NEDD4L: variants seen among roughly 807,000 people sequenced by gnomAD.
The protein encoded by NEDD4L is E3 ubiquitin-protein ligase NEDD4-like.
A neutral mutation model predicts 148.9 loss-of-function variants in NEDD4L; 54 were observed. The ratio of observed to expected loss-of-function variants is 0.36; its 90% CI spans 0.29 to 0.45. The LOEUF is 0.45. Among genes scored for constraint, NEDD4L ranks in the 20% least tolerant of loss-of-function variants. The pLI is 1.00. For synonymous variants in NEDD4L, 433 were observed against 440.7 expected, an observed-to-expected ratio of 0.98 and a Z score of 0.22; for missense variants, 856 against 1,233.8, an observed-to-expected ratio of 0.69 and a Z score of 4.59.
chr18:58,296,911 G>C (rs1418014869), intron 5 of NEDD4L, among the ~76,000 whole-genome samples: 2 of 151,984 alleles, frequency 1.3e-5, no homozygotes, highest in Non-Finnish European at 2.9e-5. Context: ...AATAGGGCAA[G>C]ACTCTGTCTC....
At position 58,091,380 on chromosome 18, in the gene NEDD4L, A is replaced by G. The variant is rs557468424; in HGVS notation, c.48+46672A>G. On this transcript the variant is annotated intron_variant, in intron 1 of 30. Coordinates refer to ENST00000400345, the MANE Select transcript of NEDD4L (RefSeq NM_001144967.3). ...TATGCACTTCTTTGTCCTTGAGCAA[A>G]TGATTGAACCTTCTTGGACTCTCAG... 7 of 152,372 alleles carry G rather than the reference A, an allele frequency of 4.6e-5. 1 individual carries two copies. The highest frequency in any genetic ancestry group is 7.3e-5 in the Non-Finnish European group (5 of 68,072). 9.4% of individuals were successfully genotyped at this position (152,372 alleles called of 1,614,324 possible).
intron 2 of NEDD4L, among the ~76,000 whole-genome samples, chr18:58,224,029 C>T (rs890391682): frequency 6.6e-5 from 10 of 152,292 alleles, no homozygotes; most frequent in East Asian, 1.9e-4. Flanking sequence ...AGGACTTGGG[C>T]GCTTCCTGCC....
intron 1 of NEDD4L, among the ~76,000 whole-genome samples, chr18:58,154,076 A>T (rs1335280449): frequency 6.6e-6 from 1 of 152,272 alleles, no homozygotes; most frequent in African/African-American, 2.4e-5. Context: ...AGGTTGATCG[A>T]TAAAAAATGA....
At chr18:58,058,789 C>T (rs1727226415) in intron 1 of NEDD4L, among the ~76,000 whole-genome samples, 1 of 152,214 alleles carries the variant, frequency 6.6e-6, no homozygotes. Context: ...ACATCCCAGA[C>T]TCAATAGCAC....
rs766212719 is a variant in NEDD4L at position 58,044,623 on chromosome 18, C to T, written c.-38C>T. 77 of 1,572,642 alleles carry T rather than the reference C, an allele frequency of 4.9e-5. No individual in the cohort carries two copies. Among genetic ancestry groups the T allele is most frequent in the Non-Finnish European group, 6.1e-5 (71 of 1,160,504 alleles). On this transcript the variant is annotated 5_prime_UTR_variant, in exon 1 of 31. Transcript: ENST00000400345. ...GGCCGTCCGCGCCGCAGCACAGCCG[C>T]TGGGAGCGCCTCAGACCCCGCGCGG...
intron 1 of NEDD4L, among the ~76,000 whole-genome samples, chr18:58,153,300 G>A (rs1043276376): frequency 1.3e-5 from 2 of 151,060 alleles, no homozygotes; most frequent in African/African-American, 2.4e-5. Context: ...GACTGTAGTC[G>A]AAGAGATTTA....
intron 2 of NEDD4L, among the ~76,000 whole-genome samples, chr18:58,169,101 G>A (rs1034963803): frequency 6.6e-6 from 1 of 152,188 alleles, no homozygotes; most frequent in Non-Finnish European, 1.5e-5. Flanking sequence ...AGCTGGAGGT[G>A]GCCCCTTCCC....
chr18:58,124,667 A>G (rs2030696167), intron 1 of NEDD4L, among the ~76,000 whole-genome samples: 1 of 152,174 alleles, frequency 6.6e-6, no homozygotes, highest in Admixed American at 6.5e-5. Flanking sequence ...TCCTGCCCAG[A>G]TCTGCCTTCA....
intron 1 of NEDD4L, among the ~76,000 whole-genome samples, chr18:58,163,946 T>A (rs1223173169): frequency 6.6e-6 from 1 of 152,104 alleles, no homozygotes; most frequent in Non-Finnish European, 1.5e-5. Flanking sequence ...CTCACCTAGG[T>A]CTTGACTAAA....
At chr18:58,071,886 T>C (rs2082889464) in intron 1 of NEDD4L, among the ~76,000 whole-genome samples, 1 of 152,174 alleles carries the variant, frequency 6.6e-6, no homozygotes, top group African/African-American at 2.4e-5. Context: ...ATGAGAACAG[T>C]ATGGGAGAAA....
intron 8 of NEDD4L, among the ~76,000 whole-genome samples, chr18:58,324,137 T>G (rs1302637429): frequency 6.6e-6 from 1 of 152,202 alleles, no homozygotes; most frequent in East Asian, 1.9e-4. Context: ...AGGAATAATG[T>G]GGGTGATAGA....
intron 5 of NEDD4L, among the ~76,000 whole-genome samples, chr18:58,282,481 G>A (rs573807287): frequency 2.4e-4 from 36 of 152,332 alleles, no homozygotes; most frequent in African/African-American, 8.4e-4. Context: ...TAAAAGATAA[G>A]TCAGTACTTT....
chr18:58,366,050 G>A lies in NEDD4L; in HGVS notation c.1885G>A (p.Glu629Lys). 6.2e-7 allele frequency: 1 copy of A among 1,613,184 alleles called. No homozygotes were observed. Among genetic ancestry groups the A allele is most frequent in the Non-Finnish European group, 8.5e-7 (1 of 1,179,512 alleles). Residue 629 changes from glutamate to lysine, a missense_variant, in exon 21 of 31, where the codon GAA becomes AAA. Glu to Lys is a moderately conservative substitution (Grantham distance 56). This residue lies in a region of NEDD4L where 286 missense variants were observed against 531.8 expected (regional missense o/e 0.54). Coordinates refer to ENST00000400345, the MANE Select transcript of NEDD4L (RefSeq NM_001144967.3). The surrounding 1 kb of genome is among the most constrained non-coding windows in gnomAD (Gnocchi z 4.2). Reference sequence around the variant, plus strand: ...GAAACTTCACAGAAATAACATATTTGAAGAGTCCTATCGGAGAATTATGTC... The same window carrying A: ...GAAACTTCACAGAAATAACATATTTAAAGAGTCCTATCGGAGAATTATGTC... ...EMKLHRNNIF[E>K]ESYRRIMSVK...
At chr18:58,320,104 A>G (rs1051860346) in intron 6 of NEDD4L, among the ~76,000 whole-genome samples, 5 of 152,206 alleles carry the variant, frequency 3.3e-5, no homozygotes, top group Non-Finnish European at 7.3e-5. Context: ...GGGTATGGAC[A>G]GACTCAGGTT....
At chr18:58,195,511 G>T (rs473740) in intron 2 of NEDD4L, 4 of 1,345,330 alleles carry the variant, frequency 3.0e-6, no homozygotes, top group African/African-American at 1.5e-5. Flanking sequence ...TGGCTGCGCA[G>T]GGCCCTACCT....
intron 5 of NEDD4L, among the ~76,000 whole-genome samples, chr18:58,296,337 C>T (rs4941383): frequency 0.4 from 61,368 of 152,088 alleles, 12,700 homozygotes; most frequent in African/African-American, 0.49. Context: ...AAAGCCTGAC[C>T]GGTCTTTGCC....
At chr18:58,113,374 C>T (rs2085535852) in intron 1 of NEDD4L, among the ~76,000 whole-genome samples, 1 of 152,138 alleles carries the variant, frequency 6.6e-6, no homozygotes, top group Non-Finnish European at 1.5e-5. Context: ...ACAGATTGAA[C>T]AATGGCTGTA....
At chr18:58,383,221 T>C in intron 24 of NEDD4L, 25 bp from the exon 25 acceptor site, 1 of 1,221,524 alleles carries the variant, frequency 8.2e-7, no homozygotes, top group Non-Finnish European at 1.2e-6. Context: ...TGATAGTAAT[T>C]GTTGTTTTGT....
intron 1 of NEDD4L, among the ~76,000 whole-genome samples, chr18:58,084,409 G>T (rs1424242652): frequency 6.6e-6 from 1 of 152,208 alleles, no homozygotes; most frequent in Non-Finnish European, 1.5e-5. Context: ...TATAAATTAT[G>T]TCTAAATAAA....
Sources: gnomAD v4.1 joint callset for allele counts (sites outside exome capture counted in the v4.1 genomes callset) on GRCh38, gnomAD v4.1.1 for gene constraint, gnomAD v4.1.1 regional missense constraint, Gnocchi (gnomAD v3.1) non-coding constraint, MANE v1.5 for transcripts, NCBI Gene and HGNC (gene_info 2026-07-23, HGNC 2026-07-21) for gene names.